RUVBL2: variants seen among roughly 807,000 people sequenced by gnomAD.
RUVBL2 encodes RuvB like AAA ATPase 2.
Under a neutral mutation model 57.9 loss-of-function variants are expected in RUVBL2, and 9 were observed. The ratio of observed to expected loss-of-function variants is 0.16; its 90% CI spans 0.09 to 0.27. The LOEUF (loss-of-function observed/expected upper bound fraction) is 0.27, where lower values mean the gene tolerates loss of function less well. Ranked by LOEUF, RUVBL2 falls within the 10% of genes least tolerant of loss-of-function variation. RUVBL2 has a pLI of 1.00. For missense variants in RUVBL2, 456 were observed against 669.6 expected (o/e 0.68, Z 3.52); for synonymous variants, 278 against 264.6 (o/e 1.05, Z -0.49).
intron 3 of RUVBL2, among the ~76,000 whole-genome samples, chr19:49,003,622 A>C (rs2039225921): frequency 6.6e-6 from 1 of 152,084 alleles, no homozygotes; most frequent in African/African-American, 2.4e-5. Flanking sequence ...TGTCTCTACT[A>C]AAAATACAAA....
chr19:49,010,482 C>CCCACAA lies in RUVBL2; in HGVS notation c.664-5_664-4insCACAAC. 1 of 1,605,472 alleles carries CCCACAA rather than the reference C, an allele frequency of 6.2e-7. No homozygotes were observed. The highest frequency in any genetic ancestry group is 8.5e-7 in the Non-Finnish European group (1 of 1,173,106). ...CCGCCGTTCTTCCCCCACCCCCGCC[C>CCCACAA]CATAGACCAAGTTCGTGCAGTGCCC... On this transcript the variant is annotated splice_polypyrimidine_tract_variant and splice_region_variant and intron_variant, in intron 8 of 14. Coordinates refer to ENST00000595090, the MANE Select transcript of RUVBL2 (RefSeq NM_006666.3).
chr19:49,010,427 G>A (rs1457927599), intron 8 of RUVBL2, 61 bp from the exon 9 acceptor site: 4 of 1,580,670 alleles, frequency 2.5e-6, no homozygotes, highest in East Asian at 2.2e-5. Flanking sequence ...GGCTTTAGGG[G>A]CCCCCTTCAT....
chr19:48,995,708 G>A (rs1278901475), intron 1 of RUVBL2, among the ~76,000 whole-genome samples: 6 of 151,866 alleles, frequency 4.0e-5, no homozygotes, highest in African/African-American at 1.5e-4. Flanking sequence ...AAATTAGGCC[G>A]GGTGCGGTGG....
Position 49,011,183 on chromosome 19 carries a change from C to G in RUVBL2, c.883-9C>G, listed in dbSNP as rs1218474148. ...CGGGTGGTGACTCTCACACACACCC[C>G]AATCCAAGGTGCTGTTCATCGACGA... On this transcript the variant is annotated splice_polypyrimidine_tract_variant and intron_variant, in intron 10 of 14. Transcript: ENST00000595090. The surrounding 1 kb of genome is among the most constrained non-coding windows in gnomAD (Gnocchi z 4.4). 2.5e-6 allele frequency: 4 copies of G among 1,613,344 alleles called. No individual in the cohort carries two copies. Among genetic ancestry groups the G allele is most frequent in the South Asian group, 2.2e-5 (2 of 91,070 alleles).
At position 49,011,104 on chromosome 19, in the gene RUVBL2, AG is replaced by A; in HGVS notation, c.882+13del. The stretch of plus-strand genomic sequence containing the variant: ...GAGATCATCCCTGGAGTGAGGACCC[AG>A]GACATGGCCGGGGCGGGTGGTGGGG... On this transcript the variant is annotated intron_variant, in intron 10 of 14. Transcript: ENST00000595090. This position sits in a 1 kb window ranked among gnomAD's most constrained non-coding sequence, Gnocchi z 4.4. The A allele has an allele frequency of 1.5e-6, 2 of 1,325,148 alleles. No individual in the cohort carries two copies. The highest frequency in any genetic ancestry group is 2.1e-6 in the Non-Finnish European group (2 of 946,538). The allele number at this position is 1,325,148 out of a possible 1,614,324, so 82.1% of individuals were successfully genotyped here.
intron 13 of RUVBL2, 155 bp downstream of exon 13, chr19:49,015,305 G>A: frequency 2.0e-6 from 2 of 1,012,316 alleles, no homozygotes; most frequent in East Asian, 2.6e-5. Flanking sequence ...ATCCAGCCTG[G>A]CCTATAGTAG....
intron 8 of RUVBL2, 157 bp downstream of exon 8, chr19:49,010,223 C>A (rs1341144524): frequency 2.6e-6 from 2 of 777,250 alleles, no homozygotes; most frequent in Non-Finnish European, 4.2e-6. Context: ...GACAGCAGGG[C>A]CCCTCAGCCT....
rs896178481 is a variant in RUVBL2 at position 49,009,956 on chromosome 19, C to G, written c.570-17C>G. On this transcript the variant is annotated splice_polypyrimidine_tract_variant and intron_variant, in intron 7 of 14. Coordinates refer to ENST00000595090, the MANE Select transcript of RUVBL2 (RefSeq NM_006666.3). ...GGGCCCATTCCTTTCCTTACCCTAC[C>G]CCCCATCCCCCTGTAGGGACGTGAT... The G allele has an allele frequency of 6.2e-7, 1 of 1,607,642 alleles. No individual in the cohort carries two copies. The highest frequency in any genetic ancestry group is 8.5e-7 in the Non-Finnish European group (1 of 1,175,670).
At chr19:48,998,235 G>A (rs2039102503) in intron 1 of RUVBL2, among the ~76,000 whole-genome samples, 2 of 152,210 alleles carry the variant, frequency 1.3e-5, no homozygotes, top group Admixed American at 1.3e-4. Flanking sequence ...AGAGGGCAGG[G>A]AGAGCAGTCT....
rs916208113 is a variant in RUVBL2 at position 49,011,361 on chromosome 19, G to A, written c.1001+51G>A. On this transcript the variant is annotated intron_variant, in intron 11 of 14. Transcript: ENST00000595090. The surrounding 1 kb of genome is among the most constrained non-coding windows in gnomAD (Gnocchi z 4.4). ...GGAAAACAGGATGCTCTGGGCAGTG[G>A]GTGTGGTCAGAGGGTCAATGGGAGC... 6.8e-7 allele frequency: 1 copy of A among 1,461,862 alleles called. No individual in the cohort carries two copies. Among genetic ancestry groups the A allele is most frequent in the African/African-American group, 1.4e-5 (1 of 72,134 alleles). The allele number at this position is 1,461,862 out of a possible 1,614,324, so 90.6% of individuals were successfully genotyped here. A position where few individuals can be genotyped will look rare whatever the true frequency, so the allele number is the denominator to read the frequency against.
chr19:49,008,334 G>A (rs2039326720), intron 6 of RUVBL2, among the ~76,000 whole-genome samples: 1 of 149,116 alleles, frequency 6.7e-6, no homozygotes. Context: ...TCTGCCTCCC[G>A]GGTTCATGCC....
At chr19:49,008,224 T>G (rs1273143956) in intron 6 of RUVBL2, among the ~76,000 whole-genome samples, 2 of 150,326 alleles carry the variant, frequency 1.3e-5, no homozygotes, top group African/African-American at 2.4e-5. Context: ...TTTTTATTTT[T>G]TATTTTTATT....
At chr19:48,994,133 G>T in intron 1 of RUVBL2, 2 of 496,006 alleles carry the variant, frequency 4.0e-6, no homozygotes, top group Admixed American at 3.3e-5. Context: ...CGGGGAGGGG[G>T]CTGGGATCCC....
chr19:48,994,003 C>T (rs1296443500), intron 1 of RUVBL2, 80 bp downstream of exon 1: 8 of 1,549,218 alleles, frequency 5.2e-6, no homozygotes, highest in Non-Finnish European at 7.1e-6. Flanking sequence ...GGCCCTGACT[C>T]CTGGGTCTGA....
At chr19:49,014,674 CTG>C (rs1485157920) in intron 12 of RUVBL2, 71 bp downstream of exon 12, 18 of 1,579,516 alleles carry the variant, frequency 1.1e-5, no homozygotes, top group Admixed American at 1.7e-5. Context: ...AATGCTGACA[CTG>C]AGGTCCAGCG....
chr19:48,993,961 C>T (rs2122557615), intron 1 of RUVBL2, 38 bp downstream of exon 1: 2 of 1,612,814 alleles, frequency 1.2e-6, no homozygotes, highest in Admixed American at 1.7e-5. Flanking sequence ...AGCGAGCTAG[C>T]AGTCTCGAGT....
At chr19:49,012,983 G>A (rs1158700193) in intron 11 of RUVBL2, among the ~76,000 whole-genome samples, 1 of 151,772 alleles carries the variant, frequency 6.6e-6, no homozygotes, top group African/African-American at 2.4e-5. Flanking sequence ...TTTTTGTTTT[G>A]AGACGGAGTC....
Position 49,003,300 on chromosome 19 carries a change from G to C in RUVBL2, c.89G>C (p.Gly30Ala), listed in dbSNP as rs1413523748. The change falls in exon 3 of 15, where the codon GGA becomes GCA. Residue 30 changes from glycine (G) to alanine (A), a missense_variant. Gly to Ala is a moderately conservative substitution (Grantham distance 60). Coordinates refer to ENST00000595090, the MANE Select transcript of RUVBL2 (RefSeq NM_006666.3). ...ERIGAHSHIR[G>A]LGLDDALEPR... Reference sequence around the variant, plus strand: ...GTAGGTGCCCACTCCCACATCCGGGGACTGGGGCTGGACGATGCCTTGGAG... The same window carrying C: ...GTAGGTGCCCACTCCCACATCCGGGCACTGGGGCTGGACGATGCCTTGGAG... The C allele has an allele frequency of 6.2e-7, 1 of 1,613,982 alleles. No homozygotes were observed. The highest frequency in any genetic ancestry group is 8.5e-7 in the Non-Finnish European group (1 of 1,180,006).
intron 4 of RUVBL2, among the ~76,000 whole-genome samples, chr19:49,004,939 G>A (rs1010745486): frequency 4.6e-5 from 7 of 151,172 alleles, no homozygotes; most frequent in African/African-American, 1.5e-4. Flanking sequence ...GGATTCTTCT[G>A]TTGGGCAAAA....
Sources: gnomAD v4.1 joint callset for allele counts (sites outside exome capture counted in the v4.1 genomes callset) on GRCh38, gnomAD v4.1.1 for gene constraint, Gnocchi (gnomAD v3.1) non-coding constraint, MANE v1.5 for transcripts, NCBI Gene and HGNC (gene_info 2026-07-23, HGNC 2026-07-21) for gene names.